The following UBE2Z variants were observed in gnomAD, a reference collection of about 807,000 sequenced individuals.
UBE2Z encodes the protein ubiquitin-conjugating enzyme E2 Z.
UBE2Z carries 10 observed loss-of-function variants against 32.6 expected under a neutral mutation model. The ratio of observed to expected loss-of-function variants is 0.31; its 90% CI spans 0.19 to 0.52. UBE2Z has a LOEUF of 0.52. UBE2Z is among the 20% of genes least tolerant of loss of function. The probability of loss-of-function intolerance (pLI) is 0.97; values close to 1 mark genes in which losing one functional copy is unlikely to be tolerated. For missense variants in UBE2Z, 343 were observed against 480.9 expected, an observed-to-expected ratio of 0.71 and a Z score of 2.68; for synonymous variants, 183 against 190.8, an observed-to-expected ratio of 0.96 and a Z score of 0.34.
chr17:48,918,251 T>G (rs1171621579), intron 4 of UBE2Z, among the ~76,000 whole-genome samples: 4 of 152,288 alleles, frequency 2.6e-5, no homozygotes, highest in Non-Finnish European at 5.9e-5. Flanking sequence ...TTAATTTATT[T>G]TTAAACTATT....
chr17:48,916,360 A>G (rs1013318848), intron 4 of UBE2Z, among the ~76,000 whole-genome samples, 173 bp downstream of exon 4: 2 of 144,826 alleles, frequency 1.4e-5, no homozygotes, highest in Non-Finnish European at 3.0e-5. Context: ...GGTTCAAGCC[A>G]TTCTGTCTCA....
chr17:48,920,002 GA>G (rs2040748011), intron 4 of UBE2Z, among the ~76,000 whole-genome samples: 1 of 151,506 alleles, frequency 6.6e-6, no homozygotes, highest in Non-Finnish European at 1.5e-5. Flanking sequence ...GCAACGTAGT[GA>G]GACCTTGTCT....
Position 48,908,668 on chromosome 17 carries a change from CG to C in UBE2Z, c.170del (p.Gly57AlafsTer72). ...CGGCGGCGGCGGCAGCGGGCGGGGC[CG>C]GGGGCCCGGGGAGCGGCCTGGCTCC... ...WAAAAAAGGA[G>X]GPGSGLAPLP... On this transcript the variant is annotated frameshift_variant, in exon 1 of 7. Coordinates refer to ENST00000360943, the MANE Select transcript of UBE2Z (RefSeq NM_023079.5). LOFTEE classifies it high-confidence loss of function. The C allele has an allele frequency of 3.3e-6, 4 of 1,221,898 alleles. No homozygotes were observed. Among genetic ancestry groups the C allele is most frequent in the Non-Finnish European group, 3.1e-6 (3 of 981,372 alleles). 75.7% of individuals were successfully genotyped at this position (1,221,898 alleles called of 1,614,324 possible).
chr17:48,924,359 G>C (rs2040782795), intron 6 of UBE2Z, among the ~76,000 whole-genome samples: 1 of 152,174 alleles, frequency 6.6e-6, no homozygotes, highest in African/African-American at 2.4e-5. Flanking sequence ...TCTGTTCCCA[G>C]CCCTGAGGGT....
In UBE2Z at chr17:48,910,861, A is replaced by T; in HGVS notation, c.371A>T (p.Asp124Val). Residue 124 changes from aspartate to valine, a missense_variant, in exon 2 of 7, where the codon GAT (aspartate) becomes GTT (valine). Physicochemically the swap from Asp to Val is radical, Grantham distance 152. This residue lies in a region of UBE2Z where 182 missense variants were observed against 312.4 expected (regional missense o/e 0.58). Coordinates refer to ENST00000360943, the MANE Select transcript of UBE2Z (RefSeq NM_023079.5). ...CCTCCAGGAATGTTCGTTGTACCTG[A>T]TACTGTTGACATGACTAAGGTATGT... ...EPPPGMFVVP[D>V]TVDMTKIHAL... The T allele has an allele frequency of 6.2e-7, 1 of 1,613,304 alleles. No individual in the cohort carries two copies. Among genetic ancestry groups the T allele is most frequent in the Non-Finnish European group, 8.5e-7 (1 of 1,179,594 alleles).
chr17:48,921,623 G>C (rs559009428), intron 5 of UBE2Z, among the ~76,000 whole-genome samples: 1 of 152,318 alleles, frequency 6.6e-6, no homozygotes, highest in South Asian at 2.1e-4. Flanking sequence ...GATGAGCAAC[G>C]TCAGGGTTAA....
Position 48,908,695 on chromosome 17 carries a change from G to C in UBE2Z, c.192G>C (p.Pro64=). ...GAGGPGSGLA[P]LPGLPPSAAA... The stretch of plus-strand genomic sequence containing the variant: ...GGGGCCCGGGGAGCGGCCTGGCTCC[G>C]CTGCCCGGGCTCCCGCCCTCAGCCG... Residue 64 remains proline, a synonymous_variant, in exon 1 of 7, where the codon CCG becomes CCC. Transcript: ENST00000360943. 7.8e-7 allele frequency: 1 copy of C among 1,281,000 alleles called. No homozygotes were observed. Among genetic ancestry groups the C allele is most frequent in the Non-Finnish European group, 9.9e-7 (1 of 1,015,014 alleles). The allele number at this position is 1,281,000 out of a possible 1,614,324, so 79.4% of individuals were successfully genotyped here.
chr17:48,908,827 CG>C lies in UBE2Z; in HGVS notation c.317+11del, dbSNP rs2040649561. The C allele has an allele frequency of 1.3e-6, 2 of 1,489,728 alleles. No homozygotes were observed. The highest frequency in any genetic ancestry group is 2.1e-5 in the Admixed American group (1 of 46,686). 92.3% of individuals were successfully genotyped at this position (1,489,728 alleles called of 1,614,324 possible). A position where few individuals can be genotyped will look rare whatever the true frequency, so the allele number is the denominator to read the frequency against. ...GTCTACTCCGGATCAAGCGGTGAGC[CG>C]GGGTTTTTCCTCCCCCAGCCCCGAG... is the stretch of plus-strand genomic sequence containing the variant. On this transcript the variant is annotated splice_region_variant and intron_variant, in intron 1 of 6. Transcript: ENST00000360943.
chr17:48,909,632 T>C (rs2040661131), intron 1 of UBE2Z, among the ~76,000 whole-genome samples: 1 of 149,104 alleles, frequency 6.7e-6, no homozygotes, highest in South Asian at 2.1e-4. Flanking sequence ...CTAAGTCCTT[T>C]CTGTGCTTAT....
intron 2 of UBE2Z, chr17:48,912,511 G>GCA (rs1487979689): frequency 8.7e-5 from 21 of 241,904 alleles, no homozygotes; most frequent in African/African-American, 4.0e-4. Flanking sequence ...AGGGAGGTCT[G>GCA]CACAAAAAAA....
chr17:48,918,904 G>A (rs1351486419), intron 4 of UBE2Z, among the ~76,000 whole-genome samples: 11 of 151,722 alleles, frequency 7.3e-5, no homozygotes, highest in African/African-American at 2.4e-4. Flanking sequence ...ACACCATGAC[G>A]CCTGGCTAAT....
At chr17:48,909,898 C>T (rs971936014) in intron 1 of UBE2Z, among the ~76,000 whole-genome samples, 1 of 152,074 alleles carries the variant, frequency 6.6e-6, no homozygotes. Flanking sequence ...TGTAAAGTAC[C>T]TGGCACAGTG....
At chr17:48,922,691 C>T (rs532738034) in intron 5 of UBE2Z, among the ~76,000 whole-genome samples, 156 bp from the exon 6 acceptor site, 8 of 151,668 alleles carry the variant, frequency 5.3e-5, no homozygotes, top group South Asian at 2.1e-4. Context: ...TGCATGAATC[C>T]GGGAGGCAGA....
chr17:48,927,119 G>C lies in UBE2Z; in HGVS notation c.1050G>C (p.Gly350=). The C allele has an allele frequency of 1.2e-6, 2 of 1,613,876 alleles. No individual in the cohort carries two copies. The highest frequency in any genetic ancestry group is 1.7e-6 in the Non-Finnish European group (2 of 1,179,858). Residue 350 remains glycine (G), a synonymous_variant, in exon 7 of 7, where the codon GGG becomes GGC. Coordinates refer to ENST00000360943, the MANE Select transcript of UBE2Z (RefSeq NM_023079.5). ...SSSGTETDLH[G]SLRV ...CTGGGACAGAGACAGACCTTCATGG[G>C]AGCCTGAGGGTTTAGACCCTGCTCC...
chr17:48,919,766 T>A (rs1411496137), intron 4 of UBE2Z, among the ~76,000 whole-genome samples: 1 of 152,178 alleles, frequency 6.6e-6, no homozygotes, highest in African/African-American at 2.4e-5. Flanking sequence ...GCATGAGCCA[T>A]CGGGCCCAGC....
At chr17:48,923,337 A>G (rs55933906) in intron 6 of UBE2Z, among the ~76,000 whole-genome samples, 1 of 88,220 alleles carries the variant, frequency 1.1e-5, no homozygotes, top group Non-Finnish European at 3.0e-5. Flanking sequence ...AAAAAAAAAA[A>G]AAAAAAAAAA....
intron 6 of UBE2Z, among the ~76,000 whole-genome samples, chr17:48,926,746 G>T (rs1263823193): frequency 6.6e-6 from 1 of 152,162 alleles, no homozygotes; most frequent in Non-Finnish European, 1.5e-5. Context: ...CGCCCAAAGT[G>T]CTGGGATTAC....
At chr17:48,922,959 A>AT in intron 6 of UBE2Z, 22 bp downstream of exon 6, 1 of 1,596,054 alleles carries the variant, frequency 6.3e-7, no homozygotes, top group South Asian at 1.1e-5. Flanking sequence ...CCTGCTGCTA[A>AT]TTGCAGAAGC....
Position 48,908,454 on chromosome 17 carries a change from C to A in UBE2Z, c.-50C>A, listed in dbSNP as rs1312289294. ...TGCGGGAGCGGGCGGGAGCAGCGGCCGCTCTGGTCGGCGGACGTGCTGCCG... is the reference window on the plus strand; with the variant it reads ...TGCGGGAGCGGGCGGGAGCAGCGGCAGCTCTGGTCGGCGGACGTGCTGCCG... On this transcript the variant is annotated 5_prime_UTR_variant, in exon 1 of 7. Transcript: ENST00000360943. The A allele has an allele frequency of 3.3e-6, 4 of 1,222,402 alleles. No homozygotes were observed. Among genetic ancestry groups the A allele is most frequent in the South Asian group, 4.1e-5 (1 of 24,126 alleles). The allele number at this position is 1,222,402 out of a possible 1,614,324, so 75.7% of individuals were successfully genotyped here.
Sources: gnomAD v4.1 joint callset for allele counts (sites outside exome capture counted in the v4.1 genomes callset) on GRCh38, gnomAD v4.1.1 for gene constraint, gnomAD v4.1.1 regional missense constraint, MANE v1.5 for transcripts, NCBI Gene and HGNC (gene_info 2026-07-23, HGNC 2026-07-21) for gene names.